Variants in PDE4D observed in about 807,000 individuals in gnomAD.
The protein encoded by PDE4D is phosphodiesterase 4D.
PDE4D carries 24 observed loss-of-function variants against 87.4 expected under a neutral mutation model. The observed-to-expected ratio is 0.27, with a 90% CI of 0.20 to 0.39. The LOEUF (loss-of-function observed/expected upper bound fraction) is 0.39. PDE4D is among the 10% of genes least tolerant of loss of function. The pLI, the probability that PDE4D is intolerant of heterozygous loss-of-function variation, is 1.00. For missense variants in PDE4D, 714 were observed against 1,041.0 expected (o/e 0.69, Z 4.32); for synonymous variants, 384 against 383.2 (o/e 1.00, Z -0.02).
chr5:59,258,153 T>C (rs1436662547), intron 1 of PDE4D, among the ~76,000 whole-genome samples: 1 of 152,044 alleles, frequency 6.6e-6, no homozygotes. Context: ...CCTTTGTACC[T>C]GCTATAATCC....
chr5:59,578,945 T>A (rs1823616649), intron 1 of PDE4D, among the ~76,000 whole-genome samples: 1 of 152,026 alleles, frequency 6.6e-6, no homozygotes, highest in Non-Finnish European at 1.5e-5. Flanking sequence ...TCCTCTTTCC[T>A]CCTCTTCTTC....
At chr5:59,766,342 T>C (rs1762790598) in intron 1 of PDE4D, among the ~76,000 whole-genome samples, 1 of 152,204 alleles carries the variant, frequency 6.6e-6, no homozygotes, top group Non-Finnish European at 1.5e-5. Flanking sequence ...ATGCTTTTCT[T>C]ACTGGGCTGT....
intron 1 of PDE4D, chr5:59,430,164 T>C (rs1582564761): frequency 1.3e-6 from 1 of 790,258 alleles, no homozygotes; most frequent in Non-Finnish European, 1.7e-6. Flanking sequence ...TTCCCAACTA[T>C]CCAGTGTGTT....
chr5:59,774,585 T>G (rs890783549), intron 1 of PDE4D, among the ~76,000 whole-genome samples: 3 of 152,148 alleles, frequency 2.0e-5, no homozygotes, highest in Non-Finnish European at 4.4e-5. Flanking sequence ...TAAAACTAAA[T>G]GTTAGAGTGA....
At chr5:60,301,465 G>A (rs1663383964) in intron 1 of PDE4D, among the ~76,000 whole-genome samples, 1 of 152,108 alleles carries the variant, frequency 6.6e-6, no homozygotes, top group African/African-American at 2.4e-5. Flanking sequence ...TATTCTTTCT[G>A]TAGTAATTGT....
At chr5:59,993,797 C>T (rs971588660) in intron 2 of PDE4D, among the ~76,000 whole-genome samples, 6 of 151,846 alleles carry the variant, frequency 4.0e-5, no homozygotes, top group African/African-American at 9.7e-5. Flanking sequence ...GAAATATATT[C>T]GGCTTCAAGA....
intron 1 of PDE4D, among the ~76,000 whole-genome samples, chr5:59,804,408 T>A (rs779924145): frequency 2.6e-5 from 4 of 152,268 alleles, no homozygotes; most frequent in Non-Finnish European, 5.9e-5. Context: ...ACATTTTCTT[T>A]ATCCACTCGT....
At chr5:60,107,502 A>G (rs1777128171) in intron 2 of PDE4D, among the ~76,000 whole-genome samples, 1 of 152,240 alleles carries the variant, frequency 6.6e-6, no homozygotes, top group African/African-American at 2.4e-5. Context: ...TCCCTAACTC[A>G]TTTGATGAGG....
At chr5:59,483,213 G>A (rs140244580) in intron 1 of PDE4D, among the ~76,000 whole-genome samples, 182 of 152,244 alleles carry the variant, frequency 1.2e-3, no homozygotes, top group African/African-American at 4.2e-3. Flanking sequence ...CAGCTTATTG[G>A]CTGCAGATCT....
chr5:59,433,312 G>A (rs1000926816), intron 1 of PDE4D, among the ~76,000 whole-genome samples: 1 of 152,040 alleles, frequency 6.6e-6, no homozygotes, highest in African/African-American at 2.4e-5. Context: ...ATTTTTGCTT[G>A]TACCCAGGTA....
At chr5:59,958,560 G>A (rs1440930728) in intron 3 of PDE4D, among the ~76,000 whole-genome samples, 1 of 152,102 alleles carries the variant, frequency 6.6e-6, no homozygotes, top group Admixed American at 6.6e-5. Flanking sequence ...AGAACTTATA[G>A]TGAATTGATA....
intron 2 of PDE4D, among the ~76,000 whole-genome samples, chr5:60,051,251 C>A (rs990363474): frequency 1.3e-5 from 2 of 152,162 alleles, no homozygotes; most frequent in Non-Finnish European, 2.9e-5. Context: ...CTTCTTAGCA[C>A]CTTGTCACAC....
chr5:59,168,609 C>T (rs1782260096), intron 5 of PDE4D, among the ~76,000 whole-genome samples: 1 of 152,164 alleles, frequency 6.6e-6, no homozygotes, highest in African/African-American at 2.4e-5. Context: ...GTCCTACCCT[C>T]CACTCATATA....
chr5:59,649,678 T>A (rs965374282), intron 1 of PDE4D, among the ~76,000 whole-genome samples: 2 of 150,692 alleles, frequency 1.3e-5, no homozygotes, highest in African/African-American at 4.9e-5. Flanking sequence ...GAGAGGCAGT[T>A]TGTAATAACA....
chr5:60,148,895 A>T (rs1236560605), intron 2 of PDE4D, among the ~76,000 whole-genome samples: 1 of 152,212 alleles, frequency 6.6e-6, no homozygotes, highest in Non-Finnish European at 1.5e-5. Context: ...GCTTATTTAT[A>T]TGTTGCCGTC....
At position 59,108,953 on chromosome 5, in the gene PDE4D, CAATGTGTGTG is replaced by C. The variant is rs1283650864; in HGVS notation, c.809-69992_809-69983del. 1.4e-4 allele frequency among the ~76,000 whole-genome samples: 13 copies of C among 94,424 alleles called. No individual in the cohort carries two copies. The East Asian group carries it at 2.4e-3, about 18-fold the overall frequency. The allele number at this position is 94,424 out of a possible 152,430, so 61.9% of individuals were successfully genotyped here. On this transcript the variant is annotated intron_variant, in intron 5 of 14. Transcript: ENST00000340635. Reference sequence around the variant, plus strand: ...TAAAAAAAACAAATTCATAGGAACTCAATGTGTGTGTGTGTGTGTGTGTGTGTGTGTGTGT... The same window carrying C: ...TAAAAAAAACAAATTCATAGGAACTCTGTGTGTGTGTGTGTGTGTGTGTGT...
In PDE4D at chr5:60,493,983, T is replaced by C. The variant is rs540922392; in HGVS notation, n.70+28068A>G. On this transcript the variant is annotated intron_variant and non_coding_transcript_variant, in intron 1 of 2. Coordinates refer to the PDE4D transcript ENST00000506510. ...GTTTAACAAAAAAAATGCTTTAAAA[T>C]TGAAACATAGGGTACTTTCTGCAAG... 1.9e-3 allele frequency among the ~76,000 whole-genome samples: 287 copies of C among 152,262 alleles called. 1 individual carries two copies. The highest frequency in any genetic ancestry group is 6.5e-3 in the African/African-American group (270 of 41,526).
chr5:59,179,772 G>A, intron 5 of PDE4D: 1 of 310,450 alleles, frequency 3.2e-6, no homozygotes, highest in South Asian at 2.5e-5. Flanking sequence ...TGGAGAATAT[G>A]CTAATTTTCT....
chr5:59,296,048 C>T (rs1018808168), intron 1 of PDE4D, among the ~76,000 whole-genome samples: 39 of 151,968 alleles, frequency 2.6e-4, no homozygotes, highest in African/African-American at 8.9e-4. Context: ...GATCTTTCCA[C>T]TTTCAATCGT....
Sources: gnomAD v4.1 joint callset for allele counts (sites outside exome capture counted in the v4.1 genomes callset) on GRCh38, gnomAD v4.1.1 for gene constraint, MANE v1.5 for transcripts, NCBI Gene and HGNC (gene_info 2026-07-23, HGNC 2026-07-21) for gene names.